Variants in ABTB3 observed in about 807,000 individuals in gnomAD.
ABTB3 encodes ankyrin repeat- and BTB/POZ domain-containing protein 3.
At chr12:107,495,995 C>T in the ABTB3 span, among the ~76,000 whole-genome samples, 4 of 152,186 alleles carry the variant, frequency 2.6e-5, no homozygotes, top group East Asian at 3.8e-4. Flanking sequence ...CCCCTCAATT[C>T]TGCCACTGTT....
the ABTB3 span, among the ~76,000 whole-genome samples, chr12:107,537,550 C>T: frequency 6.6e-6 from 1 of 152,138 alleles, no homozygotes; most frequent in African/African-American, 2.4e-5. Context: ...AATAGAATTG[C>T]TTCTCAGGTC....
chr12:107,340,346 T>C, the ABTB3 span, among the ~76,000 whole-genome samples: 1 of 152,202 alleles, frequency 6.6e-6, no homozygotes, highest in Non-Finnish European at 1.5e-5. Flanking sequence ...GAGAGTTTCA[T>C]TCTCTGACTG....
At chr12:107,581,203 G>A in the ABTB3 span, 3 of 1,528,244 alleles carry the variant, frequency 2.0e-6, no homozygotes, top group Non-Finnish European at 1.8e-6. Context: ...TGGCCGTGGC[G>A]CACGCCGGCC....
the ABTB3 span, among the ~76,000 whole-genome samples, chr12:107,608,907 TA>T: frequency 0.039 from 2,661 of 69,114 alleles, 73 homozygotes; most frequent in African/African-American, 0.075. Context: ...TAAAATAAAA[TA>T]AAATAAAATA....
At chr12:107,605,594 G>A in the ABTB3 span, among the ~76,000 whole-genome samples, 1 of 152,212 alleles carries the variant, frequency 6.6e-6, no homozygotes, top group Non-Finnish European at 1.5e-5. Flanking sequence ...AGCTCAGCAG[G>A]CCCCTCCTGG....
At chr12:107,339,142 C>T in the ABTB3 span, among the ~76,000 whole-genome samples, 2 of 152,190 alleles carry the variant, frequency 1.3e-5, no homozygotes, top group African/African-American at 4.8e-5. Flanking sequence ...AGTCAACATC[C>T]CACAGGCCCA....
At chr12:107,323,226 C>A in the ABTB3 span, among the ~76,000 whole-genome samples, 1 of 152,144 alleles carries the variant, frequency 6.6e-6, no homozygotes, top group Non-Finnish European at 1.5e-5. Context: ...GAAATCCTCC[C>A]ACCTCAGCCG....
At chr12:107,531,381 C>T in the ABTB3 span, among the ~76,000 whole-genome samples, 3 of 152,130 alleles carry the variant, frequency 2.0e-5, no homozygotes, top group African/African-American at 4.8e-5. Flanking sequence ...ACTTTCACAG[C>T]GTCCGATACA....
the ABTB3 span, chr12:107,612,633 G>C: frequency 3.8e-6 from 3 of 782,510 alleles, no homozygotes; most frequent in Non-Finnish European, 6.0e-6. Context: ...GTGACCTTAC[G>C]AGTCACAGGG....
At chr12:107,360,594 G>C in the ABTB3 span, among the ~76,000 whole-genome samples, 3 of 152,312 alleles carry the variant, frequency 2.0e-5, no homozygotes, top group Admixed American at 1.3e-4. Context: ...TTTCAGAGTA[G>C]AGTCTGAGCA....
chr12:107,605,533 C>T, the ABTB3 span, among the ~76,000 whole-genome samples: 2 of 152,064 alleles, frequency 1.3e-5, no homozygotes, highest in Admixed American at 6.5e-5. Flanking sequence ...AGAGGAGAGT[C>T]GCTGTTGCAG....
chr12:107,487,004 G>C, the ABTB3 span, among the ~76,000 whole-genome samples: 1 of 152,166 alleles, frequency 6.6e-6, no homozygotes, highest in African/African-American at 2.4e-5. Flanking sequence ...CATAGGCCCT[G>C]TCATTATCCC....
the ABTB3 span, among the ~76,000 whole-genome samples, chr12:107,555,741 C>T: frequency 3.9e-5 from 6 of 152,190 alleles, no homozygotes; most frequent in Non-Finnish European, 4.4e-5. Flanking sequence ...GCATGTGGCT[C>T]AGTGGCTCCT....
chr12:107,505,937 A>G, the ABTB3 span, among the ~76,000 whole-genome samples: 4 of 152,138 alleles, frequency 2.6e-5, no homozygotes, highest in Non-Finnish European at 4.4e-5. Context: ...TCTACCACTG[A>G]TGGGCATTTA....
the ABTB3 span, among the ~76,000 whole-genome samples, chr12:107,472,897 G>T: frequency 5.7e-4 from 86 of 152,186 alleles, no homozygotes; most frequent in African/African-American, 1.9e-3. Flanking sequence ...GATATCTAGA[G>T]TGTGACCTTG....
the ABTB3 span, among the ~76,000 whole-genome samples, chr12:107,335,286 CAAAAAAAAAAAAAAAAAA>C: frequency 3.9e-3 from 72 of 18,640 alleles, no homozygotes; most frequent in Middle Eastern, 0.05. Flanking sequence ...GACCTTGTCT[CAAAAAAAAAAAAAAAAAA>C]AAAAAAAAAA....
the ABTB3 span, chr12:107,319,080 A>G: frequency 3.1e-6 from 5 of 1,611,172 alleles, no homozygotes; most frequent in Non-Finnish European, 4.2e-6. Flanking sequence ...GCGTCCCCGT[A>G]TGGCGGGAGC....
the ABTB3 span, among the ~76,000 whole-genome samples, chr12:107,600,556 C>T: frequency 6.6e-6 from 1 of 152,202 alleles, no homozygotes; most frequent in African/African-American, 2.4e-5. Context: ...GGGGCCCACA[C>T]AGCAGAACGG....
At chr12:107,654,855 C>T in the ABTB3 span, among the ~76,000 whole-genome samples, 1 of 147,122 alleles carries the variant, frequency 6.8e-6, no homozygotes, top group Non-Finnish European at 1.5e-5. Context: ...CACACACACA[C>T]ACACAGTGTT....
Sources: gnomAD v4.1 joint callset for allele counts (sites outside exome capture counted in the v4.1 genomes callset) on GRCh38, gnomAD v4.1.1 for gene constraint, MANE v1.5 for transcripts, NCBI Gene and HGNC (gene_info 2026-07-23, HGNC 2026-07-21) for gene names.